MSLN: variants seen among roughly 807,000 people sequenced by gnomAD.
MSLN encodes the protein CAK1 antigen.
In MSLN, 82 loss-of-function variants were observed where a neutral mutation model predicts 72.6. The ratio of observed to expected loss-of-function variants is 1.13; its 90% CI spans 0.94 to 1.36. MSLN has a LOEUF of 1.36. Among genes scored for constraint, MSLN ranks in the 40% most tolerant of loss-of-function variants. The pLI is 0.00. For missense variants in MSLN, 1,005 were observed against 847.9 expected, an observed-to-expected ratio of 1.19 and a Z score of -2.30; for synonymous variants, 456 against 387.3, an observed-to-expected ratio of 1.18 and a Z score of -2.08.
Position 764,759 on chromosome 16 carries a change from C to G in MSLN, c.380+33C>G, listed in dbSNP as rs1468622497. 2.6e-6 allele frequency: 4 copies of G among 1,534,650 alleles called. No homozygotes were observed. The African/African-American group carries it at 4.1e-5, about 16-fold the overall frequency. On this transcript the variant is annotated intron_variant, in intron 7 of 17. Transcript: ENST00000545450. ...CTGCCCCCTGAACCCACCCCCCCGG[C>G]TTTTGCCGCCAGCCCTCAGCCCCCA...
chr16:765,509 T>C lies in MSLN; in HGVS notation c.705-18T>C, dbSNP rs2041594814. On this transcript the variant is annotated intron_variant, in intron 9 of 17. Coordinates refer to ENST00000545450, the MANE Select transcript of MSLN (RefSeq NM_005823.6). Reference sequence around the variant, plus strand: ...CTGCACGTGGGGGGTCCCTGAGCTGTGTCCCGTGTCTGCACAGCCCCCCGT... The same window carrying C: ...CTGCACGTGGGGGGTCCCTGAGCTGCGTCCCGTGTCTGCACAGCCCCCCGT... 6.3e-7 allele frequency: 1 copy of C among 1,595,566 alleles called. No individual in the cohort carries two copies. The highest frequency in any genetic ancestry group is 8.5e-7 in the Non-Finnish European group (1 of 1,173,656).
chr16:765,256 G>T lies in MSLN; in HGVS notation c.657G>T (p.Gln219His), dbSNP rs748472450. Residue 219 changes from glutamine to histidine, a missense_variant, in exon 9 of 18, where the codon CAG becomes CAT. Coordinates refer to ENST00000545450, the MANE Select transcript of MSLN (RefSeq NM_005823.6). Reference sequence around the variant, plus strand: ...GCCCGGGACCCCTGGACCAGGACCAGCAGGAGGCAGCCAGGGCGGCTCTGC... The same window carrying T: ...GCCCGGGACCCCTGGACCAGGACCATCAGGAGGCAGCCAGGGCGGCTCTGC... ...VSCPGPLDQDQQEAARAALQG... is the reference protein window; with the variant it reads ...VSCPGPLDQDHQEAARAALQG... The T allele has an allele frequency of 5.5e-5, 87 of 1,584,810 alleles. No homozygotes were observed. Among genetic ancestry groups the T allele is most frequent in the Non-Finnish European group, 7.1e-5 (83 of 1,172,036 alleles).
intron 2 of MSLN, among the ~76,000 whole-genome samples, 154 bp downstream of exon 2, chr16:761,328 A>C (rs1596687579): frequency 6.6e-6 from 1 of 152,230 alleles, no homozygotes; most frequent in African/African-American, 2.4e-5. Context: ...GGGCACACGC[A>C]GACCCATTTG....
At position 763,676 on chromosome 16, in the gene MSLN, C is replaced by T. The variant is rs745982255; in HGVS notation, c.164C>T (p.Pro55Leu). The T allele has an allele frequency of 2.6e-6, 4 of 1,547,080 alleles. No homozygotes were observed. In the East Asian group the frequency reaches 9.6e-5, roughly 37 times the overall value. Reference protein sequence around the residue: ...AAPLDGVLANPPNISSLSPRQ... With the variant: ...AAPLDGVLANLPNISSLSPRQ... ...CCCCTGGACGGAGTCCTGGCCAACC[C>T]ACCTAACATTTCCAGGTGGGTCTGG... The change falls in exon 5 of 18, where the codon CCA becomes CTA. Residue 55 changes from proline (P) to leucine (L), a missense_variant. Physicochemically the swap from Pro to Leu is moderately conservative, Grantham distance 98. Coordinates refer to ENST00000545450, the MANE Select transcript of MSLN (RefSeq NM_005823.6).
rs766402436 is a variant in MSLN, at chr16:765,228, G to A, written c.629G>A (p.Ser210Asn). The part of the protein sequence containing the change: ...SAEVLLPRLV[S>N]CPGPLDQDQQ... ...GAAGTGCTGCTACCCCGGCTGGTGA[G>A]CTGCCCGGGACCCCTGGACCAGGAC... Residue 210 changes from serine to asparagine, a missense_variant, in exon 9 of 18, where the codon AGC becomes AAC. Physicochemically the swap from Ser to Asn is conservative, Grantham distance 46. Transcript: ENST00000545450. The A allele has an allele frequency of 5.0e-5, 80 of 1,585,276 alleles. No homozygotes were observed. The East Asian group carries it at 1.8e-3, about 35-fold the overall frequency.
At chr16:762,026 A>C (rs1320631145) in intron 2 of MSLN, among the ~76,000 whole-genome samples, 1 of 150,826 alleles carries the variant, frequency 6.6e-6, no homozygotes, top group Non-Finnish European at 1.5e-5. Context: ...ACAGTGGCCC[A>C]CAGGCCCCAC....
chr16:766,295 C>T (rs2041607400), intron 12 of MSLN, 40 bp from the exon 13 acceptor site: 2 of 1,610,904 alleles, frequency 1.2e-6, no homozygotes, highest in African/African-American at 2.7e-5. Context: ...CCCAGCCCCT[C>T]TGGGAGTGAC....
chr16:761,587 C>G (rs531734532), intron 2 of MSLN, among the ~76,000 whole-genome samples: 1 of 152,162 alleles, frequency 6.6e-6, no homozygotes, highest in African/African-American at 2.4e-5. Flanking sequence ...CTTCACGCAC[C>G]CCAAGGGCTG....
intron 3 of MSLN, 21 bp downstream of exon 3, chr16:762,786 C>A (rs754730833): frequency 6.4e-7 from 1 of 1,551,468 alleles, no homozygotes; most frequent in South Asian, 1.2e-5. Context: ...GATGGGGCTG[C>A]TGGTGAGGTG....
chr16:761,945 G>C (rs558644763), intron 2 of MSLN, among the ~76,000 whole-genome samples: 1 of 152,318 alleles, frequency 6.6e-6, no homozygotes, highest in Admixed American at 6.5e-5. Context: ...TCCCTCTTCT[G>C]CGAGCCCCAC....
chr16:763,826 A>C lies in MSLN; in HGVS notation c.179+135A>C, dbSNP rs1421399422. 1.2e-4 allele frequency: 3 copies of C among 25,684 alleles called. No individual in the cohort carries two copies. The African/African-American group carries it at 3.5e-3, about 30-fold the overall frequency. 1.6% of individuals were successfully genotyped at this position (25,684 alleles called of 1,614,324 possible). On this transcript the variant is annotated intron_variant, in intron 5 of 17. Coordinates refer to ENST00000545450, the MANE Select transcript of MSLN (RefSeq NM_005823.6). The stretch of plus-strand genomic sequence containing the variant: ...CTCCACCTCAGATCTGACTGGGCTC[A>C]GGACTGCGGGAGGGACTGACACCCC...
chr16:763,955 T>C lies in MSLN; in HGVS notation c.180-68T>C, dbSNP rs3817853. ...TGGGGAGAGGTGGGGCTGTGGGGCTTGGGGAGCACTGGGTGGACATTGCAG... is the reference window on the plus strand; with the variant it reads ...TGGGGAGAGGTGGGGCTGTGGGGCTCGGGGAGCACTGGGTGGACATTGCAG... On this transcript the variant is annotated intron_variant, in intron 5 of 17. Coordinates refer to ENST00000545450, the MANE Select transcript of MSLN (RefSeq NM_005823.6). 0.012 allele frequency: 18,874 copies of C among 1,576,972 alleles called. 862 individuals carry two copies. In the South Asian group the frequency reaches 0.12, roughly 10 times the overall value.
chr16:761,566 T>C (rs1188763313), intron 2 of MSLN, among the ~76,000 whole-genome samples: 1 of 152,126 alleles, frequency 6.6e-6, no homozygotes, highest in Admixed American at 6.5e-5. Flanking sequence ...ATGGCCACGT[T>C]TCCCTCCTGG....
chr16:763,904 G>A, intron 5 of MSLN, 119 bp from the exon 6 acceptor site: 1 of 1,389,446 alleles, frequency 7.2e-7, no homozygotes, highest in Non-Finnish European at 9.7e-7. Context: ...CTTGGGGGGA[G>A]GTCTGCAGGG....
Position 766,060 on chromosome 16 carries a change from G to T in MSLN, c.897G>T (p.Lys299Asn). The T allele has an allele frequency of 6.2e-7, 1 of 1,608,124 alleles. No homozygotes were observed. ...ACCCCTGACCCCTGTGCCCTGCAGA[G>T]ACAGCCTGTCCTTCAGGCAAGAAGG... is the stretch of plus-strand genomic sequence containing the variant. The part of the protein sequence containing the change: ...LRPRFRREVE[K>N]TACPSGKKAR... The change falls in exon 12 of 18, where the codon AAG becomes AAT. Residue 299 changes from lysine to asparagine, a missense_variant and splice_region_variant. Coordinates refer to ENST00000545450, the MANE Select transcript of MSLN (RefSeq NM_005823.6).
At chr16:762,873 TG>T in intron 3 of MSLN, 108 bp downstream of exon 3, 1 of 911,950 alleles carries the variant, frequency 1.1e-6, no homozygotes, top group Non-Finnish European at 1.7e-6. Context: ...GGAGTGCCTG[TG>T]GTGGCCACGT....
chr16:765,957 G>A, intron 11 of MSLN, 102 bp from the exon 12 acceptor site: 1 of 1,376,948 alleles, frequency 7.3e-7, no homozygotes, highest in African/African-American at 1.4e-5. Flanking sequence ...TGAGGCACAG[G>A]GAGGGTCACA....
intron 5 of MSLN, 37 bp from the exon 6 acceptor site, chr16:763,986 G>A (rs2041570170): frequency 6.3e-7 from 1 of 1,591,034 alleles, no homozygotes. Flanking sequence ...TGCAGGGGAG[G>A]GGCGATCGTG....
chr16:760,754 GC>G lies in MSLN; in HGVS notation c.-176del, dbSNP rs1177074565. On this transcript the variant is annotated 5_prime_UTR_variant, in exon 1 of 18. Transcript: ENST00000545450. ...AAGCCGTCATTTGTTCCCTTTGACG[GC>G]CCGGGAGGCTGCCAGGCTCTCCACC... The G allele has an allele frequency of 2.0e-5, 3 of 152,324 alleles. No homozygotes were observed. The highest frequency in any genetic ancestry group is 4.4e-5 in the Non-Finnish European group (3 of 68,136). 9.4% of individuals were successfully genotyped at this position (152,324 alleles called of 1,614,324 possible).
Sources: gnomAD v4.1 joint callset for allele counts (sites outside exome capture counted in the v4.1 genomes callset) on GRCh38, gnomAD v4.1.1 for gene constraint, MANE v1.5 for transcripts, NCBI Gene and HGNC (gene_info 2026-07-23, HGNC 2026-07-21) for gene names.